DNAH17: variants seen among roughly 807,000 people sequenced by gnomAD.
DNAH17 encodes the protein axonemal beta dynein heavy chain 17.
A neutral mutation model predicts 485.6 loss-of-function variants in DNAH17; 376 were observed. That is an observed-to-expected ratio of 0.77 (90% CI 0.71 to 0.84). The LOEUF is 0.84. Ranked by LOEUF, DNAH17 falls within the 40% of genes least tolerant of loss-of-function variation. The pLI, the probability that DNAH17 is intolerant of heterozygous loss-of-function variation, is 0.00. For missense variants in DNAH17, 6,370 were observed against 5,839.3 expected (o/e 1.09, Z -2.96); for synonymous variants, 3,031 against 2,405.9 (o/e 1.26, Z -7.60).
chr17:78,502,470 G>C lies in DNAH17; in HGVS notation c.5190+121C>G, dbSNP rs1299907557. The C allele has an allele frequency of 4.2e-6, 4 of 955,532 alleles. No individual in the cohort carries two copies. The East Asian group carries it at 8.2e-5, about 20-fold the overall frequency. 59.2% of individuals were successfully genotyped at this position (955,532 alleles called of 1,614,324 possible). A position where few individuals can be genotyped will look rare whatever the true frequency, so the allele number is the denominator to read the frequency against. ...GGAAACGACGGTTTTGCGGGGCTCAGCCTCCGAGAAGAAGCCGCTCCAGGT... is the reference window on the plus strand; with the variant it reads ...GGAAACGACGGTTTTGCGGGGCTCACCCTCCGAGAAGAAGCCGCTCCAGGT... On this transcript the variant is annotated intron_variant, in intron 33 of 80. Coordinates refer to ENST00000389840, the MANE Select transcript of DNAH17 (RefSeq NM_173628.4).
At chr17:78,576,739 G>C (rs2092438238) in intron 1 of DNAH17, among the ~76,000 whole-genome samples, 1 of 152,180 alleles carries the variant, frequency 6.6e-6, no homozygotes, top group Non-Finnish European at 1.5e-5. Context: ...GTGGATTTGG[G>C]CTTTCACAAA....
In DNAH17 at chr17:78,466,481, C is replaced by G. The variant is rs187119357; in HGVS notation, c.8940+174G>C. 2.0e-4 allele frequency among the ~76,000 whole-genome samples: 30 copies of G among 152,180 alleles called. No individual in the cohort carries two copies. In the East Asian group the frequency reaches 4.2e-3, roughly 21 times the overall value. The stretch of plus-strand genomic sequence containing the variant: ...AAAAATAAAAAATAAAAAATAAAAC[C>G]TCACTTATCTTGATGCCTGAGTTTC... On this transcript the variant is annotated intron_variant, in intron 56 of 80. Coordinates refer to ENST00000389840, the MANE Select transcript of DNAH17 (RefSeq NM_173628.4).
chr17:78,447,404 G>C lies in DNAH17; in HGVS notation c.11212-1724C>G, dbSNP rs1438867303. Among the ~76,000 whole-genome samples, 3 of 152,236 alleles carry C rather than the reference G, an allele frequency of 2.0e-5. No homozygotes were observed. In the East Asian group the frequency reaches 5.8e-4, roughly 29 times the overall value. On this transcript the variant is annotated intron_variant, in intron 69 of 80. Coordinates refer to ENST00000389840, the MANE Select transcript of DNAH17 (RefSeq NM_173628.4). ...ATGCCGGCCCTCTGGACCTCCTGTG[G>C]GCAGGGTCTGGGTCATTTTGAAGTG... is the stretch of plus-strand genomic sequence containing the variant.
intron 54 of DNAH17, 147 bp downstream of exon 54, chr17:78,475,127 GCTTT>G: frequency 1.1e-6 from 1 of 930,016 alleles, no homozygotes; most frequent in Non-Finnish European, 1.6e-6. Context: ...TCTGGCCTCT[GCTTT>G]CTAAGATAAA....
At chr17:78,476,807 T>C in intron 51 of DNAH17, 74 bp from the exon 52 acceptor site, 1 of 1,520,036 alleles carries the variant, frequency 6.6e-7, no homozygotes, top group Non-Finnish European at 8.9e-7. Flanking sequence ...CAGATGACCC[T>C]GAGGAGCAGC....
Position 78,451,549 on chromosome 17 carries a change from G to A in DNAH17, c.10654C>T (p.Leu3552=). 2 of 1,613,878 alleles carry A rather than the reference G, an allele frequency of 1.2e-6. No individual in the cohort carries two copies. The highest frequency in any genetic ancestry group is 1.7e-6 in the Non-Finnish European group (2 of 1,179,818). Residue 3552 remains leucine (L), a synonymous_variant, in exon 66 of 81, where the codon CTG becomes TTG. Transcript: ENST00000389840. ...TCCTCGAGTCCATCCCTGGTGACCA[G>A]GAAGTTGATGAGGGTGCACTGAGCC... ...MQAQCTLINF[L]VTRDGLEDQL...
At chr17:78,498,395 T>C (rs2090152561) in intron 37 of DNAH17, among the ~76,000 whole-genome samples, 1 of 152,206 alleles carries the variant, frequency 6.6e-6, no homozygotes, top group Non-Finnish European at 1.5e-5. Context: ...CCAGTGCTTC[T>C]CAACCCCCAG....
intron 56 of DNAH17, among the ~76,000 whole-genome samples, chr17:78,464,553 C>T (rs1283674939): frequency 3.9e-5 from 6 of 152,212 alleles, no homozygotes; most frequent in African/African-American, 1.4e-4. Flanking sequence ...GAGCCACTGC[C>T]CCCAGCCCTC....
At chr17:78,558,635 T>TCA (rs1199500209) in intron 13 of DNAH17, among the ~76,000 whole-genome samples, 2 of 152,252 alleles carry the variant, frequency 1.3e-5, no homozygotes, top group East Asian at 3.9e-4. Context: ...GTGGATGATA[T>TCA]CATCATCACC....
At position 78,575,072 on chromosome 17, in the gene DNAH17, A is replaced by T. The variant is rs778693372; in HGVS notation, c.-15T>A. On this transcript the variant is annotated 5_prime_UTR_variant, in exon 2 of 81. Coordinates refer to ENST00000389840, the MANE Select transcript of DNAH17 (RefSeq NM_173628.4). ...GCCATTGTCATCTTGGCCTTTCCTT[A>T]CACTGTGTATCTGTTAAGAGTGCAA... 6 of 1,602,986 alleles carry T rather than the reference A, an allele frequency of 3.7e-6. No homozygotes were observed. Among genetic ancestry groups the T allele is most frequent in the Non-Finnish European group, 5.1e-6 (6 of 1,173,378 alleles).
At position 78,426,958 on chromosome 17, in the gene DNAH17, G is replaced by A. The variant is rs765544792; in HGVS notation, c.12739C>T (p.Arg4247Cys). The A allele has an allele frequency of 1.9e-6, 3 of 1,609,866 alleles. No individual in the cohort carries two copies. Among genetic ancestry groups the A allele is most frequent in the East Asian group, 2.2e-5 (1 of 44,768 alleles). Residue 4247 changes from arginine (R) to cysteine (C), a missense_variant, in exon 78 of 81, where the codon CGT becomes TGT. By Grantham distance (180) the Arg-to-Cys change is radical. Coordinates refer to ENST00000389840, the MANE Select transcript of DNAH17 (RefSeq NM_173628.4). ...RMNILTNEMRRSLKELNLGLK... is the reference protein window; with the variant it reads ...RMNILTNEMRCSLKELNLGLK... Reference sequence around the variant, plus strand: ...CCCAGGTTCAGCTCCTTGAGCGAACGGCGCATTTCGTTGGTCAGGATGTTC... The same window carrying A: ...CCCAGGTTCAGCTCCTTGAGCGAACAGCGCATTTCGTTGGTCAGGATGTTC...
At chr17:78,491,868 G>A (rs1275668289) in intron 42 of DNAH17, among the ~76,000 whole-genome samples, 1 of 152,156 alleles carries the variant, frequency 6.6e-6, no homozygotes, top group Non-Finnish European at 1.5e-5. Context: ...AACATCCCAC[G>A]GGGCGCAGCA....
At chr17:78,545,325 G>A (rs1355831622) in intron 16 of DNAH17, among the ~76,000 whole-genome samples, 2 of 152,124 alleles carry the variant, frequency 1.3e-5, no homozygotes, top group South Asian at 2.1e-4. Context: ...TTCTGTATAT[G>A]TCTTAGTCAG....
intron 11 of DNAH17, among the ~76,000 whole-genome samples, chr17:78,564,794 A>G (rs1426282241): frequency 6.6e-6 from 1 of 152,168 alleles, no homozygotes; most frequent in Non-Finnish European, 1.5e-5. Flanking sequence ...AGTCAGGAAG[A>G]CAACGAACAC....
rs776040445 is a variant in DNAH17, at chr17:78,434,154, G to C, written c.12100C>G (p.His4034Asp). 6.2e-7 allele frequency: 1 copy of C among 1,613,648 alleles called. No individual in the cohort carries two copies. The highest frequency in any genetic ancestry group is 8.5e-7 in the Non-Finnish European group (1 of 1,179,848). Residue 4034 changes from histidine (H) to aspartate (D), a missense_variant, in exon 75 of 81, where the codon CAC becomes GAC. His to Asp is a moderately conservative substitution (Grantham distance 81). Transcript: ENST00000389840. ...TTGCGCCTCTCTGCCACCACAGCGT[G>C]GAAGTAGCACAGGGCGAAGAGCATG... ...KCMLFALCYF[H>D]AVVAERRKFG... is the part of the protein sequence containing the mutation.
In DNAH17 at chr17:78,485,579, T is replaced by C; in HGVS notation, c.7454A>G (p.Asn2485Ser). ...CAGCATGGCTGAGGTCGTGTAGAAGTTGAAGGGCACAGCCTGCACCAGGTA... is the reference window on the plus strand; with the variant it reads ...CAGCATGGCTGAGGTCGTGTAGAAGCTGAAGGGCACAGCCTGCACCAGGTA... ...DNYLVQAVPF[N>S]FYTTSAMLQG... is the part of the protein sequence containing the mutation. The change falls in exon 47 of 81, where the codon AAC becomes AGC. Residue 2485 changes from asparagine to serine, a missense_variant. Transcript: ENST00000389840. The C allele has an allele frequency of 6.2e-7, 1 of 1,613,220 alleles. No homozygotes were observed.
At chr17:78,542,401 G>A (rs1043516364) in intron 17 of DNAH17, among the ~76,000 whole-genome samples, 5 of 152,028 alleles carry the variant, frequency 3.3e-5, no homozygotes, top group African/African-American at 1.2e-4. Flanking sequence ...ACCCACCTCG[G>A]CCTCCCAAAG....
Position 78,458,672 on chromosome 17 carries a change from G to A in DNAH17, c.9870C>T (p.Asn3290=), listed in dbSNP as rs758981919. 14 of 1,613,820 alleles carry A rather than the reference G, an allele frequency of 8.7e-6. No individual in the cohort carries two copies. The East Asian group carries it at 1.1e-4, about 13-fold the overall frequency. ...CTGAGGTTAGGTTGCTCAGGTTGGCGTTAAGTTCCTGCAAAACCAAGTTGG... is the reference window on the plus strand; with the variant it reads ...CTGAGGTTAGGTTGCTCAGGTTGGCATTAAGTTCCTGCAAAACCAAGTTGG... ...SRIKNKIAEL[N]ANLSNLTSAF... is the part of the protein sequence containing the mutation. The change falls in exon 62 of 81, where the codon AAC becomes AAT. Residue 3290 remains asparagine, a synonymous_variant. Transcript: ENST00000389840.
At chr17:78,480,256 G>A (rs1396628502) in intron 49 of DNAH17, among the ~76,000 whole-genome samples, 2 of 151,860 alleles carry the variant, frequency 1.3e-5, no homozygotes, top group East Asian at 1.9e-4. Flanking sequence ...GGCTGAGGCA[G>A]GAGAATTGCT....
Sources: gnomAD v4.1 joint callset for allele counts (sites outside exome capture counted in the v4.1 genomes callset) on GRCh38, gnomAD v4.1.1 for gene constraint, MANE v1.5 for transcripts, NCBI Gene and HGNC (gene_info 2026-07-23, HGNC 2026-07-21) for gene names.